The following PTPRG variants were observed in gnomAD, a reference collection of about 807,000 sequenced individuals.
The protein encoded by PTPRG is protein tyrosine phosphatase receptor type G, also known as receptor-type tyrosine-protein phosphatase gamma.
A neutral mutation model predicts 165.3 loss-of-function variants in PTPRG; 102 were observed. The observed-to-expected ratio is 0.62, with a 90% CI of 0.53 to 0.73. The LOEUF (loss-of-function observed/expected upper bound fraction) is 0.73, where lower values mean the gene tolerates loss of function less well. PTPRG is among the 30% of genes least tolerant of loss of function. PTPRG has a pLI of 0.00. For synonymous variants in PTPRG, 675 were observed against 669.5 expected (o/e 1.01, Z -0.13); for missense variants, 1,866 against 1,861.4 (o/e 1.00, Z -0.05).
chr3:61,852,831 C>T (rs1340333564), intron 2 of PTPRG, among the ~76,000 whole-genome samples: 3 of 152,084 alleles, frequency 2.0e-5, no homozygotes, highest in Non-Finnish European at 4.4e-5. Flanking sequence ...TTCCAGGGGC[C>T]TATTTTAGAA....
intron 1 of PTPRG, among the ~76,000 whole-genome samples, chr3:61,702,895 C>A (rs565677941): frequency 1.3e-5 from 2 of 152,290 alleles, no homozygotes; most frequent in South Asian, 4.1e-4. Flanking sequence ...CTTTTGAGTT[C>A]TTTCTAGTTT....
intron 2 of PTPRG, among the ~76,000 whole-genome samples, chr3:61,908,530 G>A (rs146787470): frequency 6.6e-5 from 10 of 152,144 alleles, no homozygotes; most frequent in African/African-American, 1.9e-4. Context: ...TTTGGAGGAC[G>A]TGGTTAGAGT....
At chr3:61,650,434 A>G (rs1239377200) in intron 1 of PTPRG, among the ~76,000 whole-genome samples, 1 of 152,236 alleles carries the variant, frequency 6.6e-6, no homozygotes, top group Non-Finnish European at 1.5e-5. Context: ...AAGCAGCCAA[A>G]AAAGAGCTCA....
At chr3:61,671,240 A>G (rs1702975152) in intron 1 of PTPRG, among the ~76,000 whole-genome samples, 1 of 150,792 alleles carries the variant, frequency 6.6e-6, no homozygotes, top group Admixed American at 6.6e-5. Context: ...CAGCAGATAA[A>G]CAAGTGAACA....
rs150444077 is a variant in PTPRG at position 61,939,356 on chromosome 3, A to G, written c.191-50269A>G. 4.9e-3 allele frequency among the ~76,000 whole-genome samples: 744 copies of G among 152,288 alleles called. 7 individuals carry two copies. The highest frequency in any genetic ancestry group is 0.017 in the African/African-American group (699 of 41,572). On this transcript the variant is annotated intron_variant, in intron 2 of 29. Transcript: ENST00000474889. ...AGAAAGAGGATGCTTACATAGCAAA[A>G]CTGAGTAAATATGCACAGGGCTCAT...
At chr3:62,167,718 G>A (rs929294730) in intron 7 of PTPRG, among the ~76,000 whole-genome samples, 1 of 152,098 alleles carries the variant, frequency 6.6e-6, no homozygotes, top group Non-Finnish European at 1.5e-5. Context: ...CTCAGAGTGC[G>A]GTATAGCCCT....
intron 1 of PTPRG, among the ~76,000 whole-genome samples, chr3:61,680,306 C>T (rs1575585687): frequency 6.6e-6 from 1 of 151,994 alleles, no homozygotes; most frequent in Admixed American, 6.6e-5. Flanking sequence ...GTGAGGGAAG[C>T]AGGGTAGGTG....
At chr3:61,563,549 G>A (rs1390780326) in intron 1 of PTPRG, among the ~76,000 whole-genome samples, 2 of 152,158 alleles carry the variant, frequency 1.3e-5, no homozygotes, top group Middle Eastern at 3.2e-3. Flanking sequence ...TGGAAGAAGG[G>A]GTGATTTGCT....
chr3:62,118,690 T>A (rs1424558592), intron 5 of PTPRG, among the ~76,000 whole-genome samples: 1 of 152,242 alleles, frequency 6.6e-6, no homozygotes, highest in Admixed American at 6.5e-5. Context: ...CTCACCACAA[T>A]GTGATAATCC....
chr3:61,735,468 G>C (rs905023729), intron 1 of PTPRG, among the ~76,000 whole-genome samples: 2 of 151,196 alleles, frequency 1.3e-5, no homozygotes, highest in Non-Finnish European at 2.9e-5. Context: ...TGTAGCCCTG[G>C]GATATTCTGA....
intron 1 of PTPRG, chr3:61,742,701 G>A (rs1167491153): frequency 1.2e-6 from 2 of 1,606,686 alleles, no homozygotes; most frequent in Non-Finnish European, 1.7e-6. Flanking sequence ...GTGTGAGCAG[G>A]GAAGGGAACT....
intron 2 of PTPRG, among the ~76,000 whole-genome samples, chr3:61,752,803 A>AAAAAAAAAG (rs1553660826): frequency 0.021 from 705 of 32,974 alleles, 5 homozygotes; most frequent in African/African-American, 0.034. Context: ...AAAAAAAAAG[A>AAAAAAAAAG]AAAAAAAAAA....
At chr3:61,852,067 G>A (rs2036978804) in intron 2 of PTPRG, among the ~76,000 whole-genome samples, 1 of 152,014 alleles carries the variant, frequency 6.6e-6, no homozygotes, top group Admixed American at 6.6e-5. Flanking sequence ...TGTATTTTTG[G>A]TTGATGGTAA....
chr3:61,867,577 A>G (rs1184298788), intron 2 of PTPRG, among the ~76,000 whole-genome samples: 1 of 152,266 alleles, frequency 6.6e-6, no homozygotes, highest in African/African-American at 2.4e-5. Context: ...GAAAGGTAAA[A>G]TGAAGTACCC....
At chr3:61,619,770 T>G (rs1305625129) in intron 1 of PTPRG, among the ~76,000 whole-genome samples, 1 of 152,208 alleles carries the variant, frequency 6.6e-6, no homozygotes, top group East Asian at 1.9e-4. Flanking sequence ...TAACTGGTAT[T>G]GTGGACAGAG....
chr3:61,813,543 CTGTGTGTG>C (rs58097355), intron 2 of PTPRG, among the ~76,000 whole-genome samples: 9,243 of 116,842 alleles, frequency 0.079, 408 homozygotes, highest in Non-Finnish European at 0.099. Context: ...AAAAGAAAAT[CTGTGTGTG>C]TGTGTGTGTG....
intron 13 of PTPRG, among the ~76,000 whole-genome samples, chr3:62,230,490 C>T (rs1481256491): frequency 2.0e-5 from 3 of 152,122 alleles, no homozygotes; most frequent in Non-Finnish European, 2.9e-5. Context: ...TCCTATAGCC[C>T]AGCTGGTTTG....
intron 8 of PTPRG, among the ~76,000 whole-genome samples, chr3:62,173,701 G>GA (rs1705308472): frequency 2.0e-5 from 3 of 152,150 alleles, no homozygotes; most frequent in Non-Finnish European, 4.4e-5. Flanking sequence ...TCACATCAGA[G>GA]GGGTAACCAG....
chr3:61,776,052 A>C (rs922158604), intron 2 of PTPRG, among the ~76,000 whole-genome samples: 2 of 150,610 alleles, frequency 1.3e-5, no homozygotes, highest in African/African-American at 2.4e-5. Flanking sequence ...CGTTGTGCAC[A>C]TGTACCCTAA....
Sources: gnomAD v4.1 joint callset for allele counts (sites outside exome capture counted in the v4.1 genomes callset) on GRCh38, gnomAD v4.1.1 for gene constraint, MANE v1.5 for transcripts, NCBI Gene and HGNC (gene_info 2026-07-23, HGNC 2026-07-21) for gene names.